Variants in EPB41L3 observed in about 807,000 individuals in gnomAD.
EPB41L3 encodes the protein erythrocyte membrane protein band 4.1 like 3, also known as band 4.1-like protein 3.
Under a neutral mutation model 127.1 loss-of-function variants are expected in EPB41L3, and 57 were observed. That is an observed-to-expected ratio of 0.45 (90% confidence interval 0.36 to 0.56). EPB41L3 has a LOEUF of 0.56. Ranked by LOEUF, EPB41L3 falls within the 20% of genes least tolerant of loss-of-function variation. The pLI, the probability that EPB41L3 is intolerant of heterozygous loss-of-function variation, is 0.00. For synonymous variants in EPB41L3, 572 were observed against 549.5 expected, an observed-to-expected ratio of 1.04 and a Z score of -0.57; for missense variants, 1,273 against 1,372.2, an observed-to-expected ratio of 0.93 and a Z score of 1.14.
At chr18:5,531,336 T>C (rs562122126) in intron 1 of EPB41L3, among the ~76,000 whole-genome samples, 1 of 152,234 alleles carries the variant, frequency 6.6e-6, no homozygotes, top group South Asian at 2.1e-4. Flanking sequence ...GCAGTCAAAA[T>C]TCAGAAAAGG....
intron 3 of EPB41L3, among the ~76,000 whole-genome samples, chr18:5,465,971 A>C (rs1162778452): frequency 8.3e-6 from 1 of 120,538 alleles, no homozygotes; most frequent in Non-Finnish European, 1.7e-5. Flanking sequence ...ACCACCACCA[A>C]CAAAAAAAAA....
At position 5,506,736 on chromosome 18, in the gene EPB41L3, T is replaced by C. The variant is rs113667464; in HGVS notation, c.-11-17542A>G. Among the ~76,000 whole-genome samples, 662 of 152,336 alleles carry C rather than the reference T, an allele frequency of 4.3e-3. 6 individuals carry two copies. Among genetic ancestry groups the C allele is most frequent in the African/African-American group, 0.015 (643 of 41,576 alleles). On this transcript the variant is annotated intron_variant, in intron 1 of 22. Coordinates refer to ENST00000341928, the MANE Select transcript of EPB41L3 (RefSeq NM_012307.5). Reference sequence around the variant, plus strand: ...ATGTAGTGGGTGCTCAAAGAGTATCTGCTGAATGTATGAACTCAGCTTTGG... The same window carrying C: ...ATGTAGTGGGTGCTCAAAGAGTATCCGCTGAATGTATGAACTCAGCTTTGG...
At chr18:5,428,974 C>T (rs946910786) in intron 8 of EPB41L3, among the ~76,000 whole-genome samples, 1 of 152,130 alleles carries the variant, frequency 6.6e-6, no homozygotes, top group African/African-American at 2.4e-5. Context: ...CCTGTCTTTT[C>T]CTATGAGGGT....
At chr18:5,512,523 T>C (rs2092576574) in intron 1 of EPB41L3, among the ~76,000 whole-genome samples, 1 of 152,026 alleles carries the variant, frequency 6.6e-6, no homozygotes, top group South Asian at 2.1e-4. Context: ...GAGTTCAAGA[T>C]TTTCAGGGTG....
chr18:5,500,540 G>A (rs2091648092), intron 1 of EPB41L3, among the ~76,000 whole-genome samples: 1 of 152,120 alleles, frequency 6.6e-6, no homozygotes, highest in Admixed American at 6.5e-5. Flanking sequence ...TTAGCGAGGG[G>A]GCAATATACT....
chr18:5,472,507 T>G (rs951356614), intron 3 of EPB41L3, among the ~76,000 whole-genome samples: 5 of 152,220 alleles, frequency 3.3e-5, no homozygotes, highest in Non-Finnish European at 7.3e-5. Flanking sequence ...ACTGGAAACT[T>G]ACAGAGCTAC....
At chr18:5,421,970 T>A (rs2077527191) in intron 11 of EPB41L3, among the ~76,000 whole-genome samples, 1 of 152,118 alleles carries the variant, frequency 6.6e-6, no homozygotes, top group Non-Finnish European at 1.5e-5. Context: ...TCTCAAAAGC[T>A]ACTGAAATTT....
At chr18:5,394,020 T>C (rs2072874651) in intron 22 of EPB41L3, 1 of 154,032 alleles carries the variant, frequency 6.5e-6, no homozygotes, top group African/African-American at 2.4e-5. Context: ...GAAAGGTATG[T>C]GCTTTCTACA....
intron 3 of EPB41L3, among the ~76,000 whole-genome samples, chr18:5,550,646 C>T (rs1028363084): frequency 6.6e-6 from 1 of 152,130 alleles, no homozygotes; most frequent in African/African-American, 2.4e-5. Context: ...CAGATGACAT[C>T]TGTTAGTAAT....
intron 3 of EPB41L3, among the ~76,000 whole-genome samples, chr18:5,465,808 G>A (rs1277030544): frequency 6.6e-6 from 1 of 152,068 alleles, no homozygotes; most frequent in Non-Finnish European, 1.5e-5. Context: ...GGAGTGGAAT[G>A]GGAGAACTTT....
chr18:5,437,298 A>G (rs1352668343), intron 6 of EPB41L3, among the ~76,000 whole-genome samples: 1 of 152,224 alleles, frequency 6.6e-6, no homozygotes, highest in Non-Finnish European at 1.5e-5. Flanking sequence ...TCACCACATG[A>G]GGACACAGTA....
chr18:5,475,577 T>G (rs1246209723), intron 3 of EPB41L3, among the ~76,000 whole-genome samples: 2 of 152,242 alleles, frequency 1.3e-5, no homozygotes, highest in African/African-American at 4.8e-5. Flanking sequence ...ACACTGTTGG[T>G]TCACGATGAG....
At position 5,549,385 on chromosome 18, in the gene EPB41L3, C is replaced by T. The variant is rs142002246; in HGVS notation, c.-305-60224G>A. Among the ~76,000 whole-genome samples, 359 of 152,184 alleles carry T rather than the reference C, an allele frequency of 2.4e-3. 3 individuals are homozygous for T. The highest frequency in any genetic ancestry group is 8.4e-3 in the African/African-American group (349 of 41,534). On this transcript the variant is annotated intron_variant, in intron 3 of 21. Transcript: ENST00000545076. ...CTTTGTCCCTTAAAATAAATTTGTT[C>T]AATAGGTCAAAGCCATTTGAAAGAA...
At chr18:5,468,524 G>A (rs1781949102) in intron 3 of EPB41L3, among the ~76,000 whole-genome samples, 1 of 152,116 alleles carries the variant, frequency 6.6e-6, no homozygotes, top group African/African-American at 2.4e-5. Flanking sequence ...GACCTGCTAG[G>A]GGACAGGAGC....
At chr18:5,411,672 CA>C (rs894622815) in intron 13 of EPB41L3, among the ~76,000 whole-genome samples, 10 of 127,618 alleles carry the variant, frequency 7.8e-5, no homozygotes, top group African/African-American at 4.3e-4. Flanking sequence ...ATTTTGAAAA[CA>C]AAAATGAAAA....
chr18:5,456,063 T>A (rs570064456), intron 3 of EPB41L3, among the ~76,000 whole-genome samples: 17 of 152,220 alleles, frequency 1.1e-4, no homozygotes, highest in African/African-American at 4.1e-4. Flanking sequence ...CAAACAAAAC[T>A]TGAATTGTGA....
chr18:5,511,039 C>T (rs2092484448), intron 1 of EPB41L3, among the ~76,000 whole-genome samples: 1 of 152,034 alleles, frequency 6.6e-6, no homozygotes. Flanking sequence ...CTGAGCTCCT[C>T]AACCAGTGGG....
chr18:5,577,207 C>T (rs1426062323), intron 3 of EPB41L3: 1 of 224,164 alleles, frequency 4.5e-6, no homozygotes, highest in Non-Finnish European at 9.0e-6. Context: ...AAGAATTCCA[C>T]ATTTCCCTAG....
At chr18:5,512,170 A>T (rs894763738) in intron 1 of EPB41L3, among the ~76,000 whole-genome samples, 8 of 152,184 alleles carry the variant, frequency 5.3e-5, no homozygotes, top group African/African-American at 1.7e-4. Flanking sequence ...AAAGACATGG[A>T]TATAAATTCC....
Sources: allele counts gnomAD v4.1 joint callset (sites outside exome capture counted in the v4.1 genomes callset), GRCh38; gene constraint gnomAD v4.1.1; transcripts MANE v1.5; gene names NCBI Gene and HGNC (gene_info 2026-07-23, HGNC 2026-07-21).